The following ABCB9 variants were observed in gnomAD, a reference collection of about 807,000 sequenced individuals.
ABCB9 encodes ABC-type oligopeptide transporter ABCB9.
ABCB9 carries 36 observed loss-of-function variants against 62.0 expected under a neutral mutation model. The ratio of observed to expected loss-of-function variants is 0.58; its 90% CI spans 0.45 to 0.77. The LOEUF (loss-of-function observed/expected upper bound fraction) is 0.77, where lower values mean the gene tolerates loss of function less well. Ranked by LOEUF, ABCB9 falls within the 30% of genes least tolerant of loss-of-function variation. The pLI, the probability that ABCB9 is intolerant of heterozygous loss-of-function variation, is 0.00. For synonymous variants in ABCB9, 435 were observed against 461.4 expected (o/e 0.94, Z 0.73); for missense variants, 943 against 1,054.7 (o/e 0.89, Z 1.47).
chr12:122,933,809 C>T (rs2035318862), intron 10 of ABCB9, among the ~76,000 whole-genome samples: 1 of 151,978 alleles, frequency 6.6e-6, no homozygotes, highest in Non-Finnish European at 1.5e-5. Context: ...CAACGTGATG[C>T]TCTGAAATAC....
Position 122,932,338 on chromosome 12 carries a change from G to A in ABCB9, c.1904-10C>T. 6.5e-7 allele frequency: 1 copy of A among 1,546,934 alleles called. No homozygotes were observed. Among genetic ancestry groups the A allele is most frequent in the Non-Finnish European group, 8.7e-7 (1 of 1,143,810 alleles). On this transcript the variant is annotated splice_polypyrimidine_tract_variant and intron_variant, in intron 10 of 11. Transcript: ENST00000280560. This position sits in a 1 kb window ranked among gnomAD's most constrained non-coding sequence, Gnocchi z 4.7. Reference sequence around the variant, plus strand: ...CCCTTCTCCCCTGTCTCTGTATGGTGGAGGCACAGAGACAATTTAGCAATG... The same window carrying A: ...CCCTTCTCCCCTGTCTCTGTATGGTAGAGGCACAGAGACAATTTAGCAATG...
downstream of ABCB9, among the ~76,000 whole-genome samples, chr12:122,927,818 C>A (rs573512158): frequency 1.2e-4 from 19 of 152,282 alleles, no homozygotes; most frequent in East Asian, 3.1e-3. Flanking sequence ...TGTTGGTCCT[C>A]GGTTTTGTCA....
intron 10 of ABCB9, among the ~76,000 whole-genome samples, chr12:122,934,649 AAAAAAAACT>A (rs1164571663): frequency 1.3e-5 from 2 of 151,808 alleles, no homozygotes; most frequent in Non-Finnish European, 2.9e-5. Context: ...TCAAAAAAAA[AAAAAAAACT>A]AAAAAAACTA....
At chr12:122,948,429 T>G (rs1347761882) in intron 5 of ABCB9, 195 bp downstream of exon 5, 2 of 544,506 alleles carry the variant, frequency 3.7e-6, no homozygotes, top group Non-Finnish European at 6.2e-6. Context: ...TTTTCACTGA[T>G]GTATCCCAGT....
intron 11 of ABCB9, among the ~76,000 whole-genome samples, chr12:122,923,823 C>T (rs2135733710): frequency 6.6e-6 from 1 of 152,278 alleles, no homozygotes; most frequent in South Asian, 2.1e-4. Context: ...CCCTGAAGAG[C>T]CAGGGCCATC....
chr12:122,950,555 G>A lies in ABCB9; in HGVS notation c.612C>T (p.Phe204=), dbSNP rs1407812381. The A allele has an allele frequency of 6.2e-7, 1 of 1,612,028 alleles. No homozygotes were observed. Among genetic ancestry groups the A allele is most frequent in the African/African-American group, 1.3e-5 (1 of 74,936 alleles). Reference sequence around the variant, plus strand: ...TGGCGCGGCCCGTGTAGTAGGGCAGGAAGGTCTCTCCTGGGGGAGGCAGGG... The same window carrying A: ...TGGCGCGGCCCGTGTAGTAGGGCAGAAAGGTCTCTCCTGGGGGAGGCAGGG... ...FLIVAALGET[F]LPYYTGRAID... Residue 204 remains phenylalanine (F), a synonymous_variant, in exon 3 of 12, where the codon TTC becomes TTT. Coordinates refer to ENST00000280560, the MANE Select transcript of ABCB9 (RefSeq NM_019625.4).
chr12:122,960,227 C>T lies in ABCB9; in HGVS notation c.9G>A (p.Leu3=), dbSNP rs894479715. 2.5e-6 allele frequency: 4 copies of T among 1,610,796 alleles called. No individual in the cohort carries two copies. Among genetic ancestry groups the T allele is most frequent in the Non-Finnish European group, 3.4e-6 (4 of 1,177,938 alleles). ...CCAAAGTCACCACCACCGCCTTCCA[C>T]AGCCGCATCCTGCTGGTTGGAGGTG... The part of the protein sequence containing the change: MR[L]WKAVVVTLAF... The change falls in exon 2 of 12, where the codon CTG becomes CTA. Residue 3 remains leucine (L), a synonymous_variant. Transcript: ENST00000280560.
At chr12:122,920,362 GA>G (rs74263734), downstream of ABCB9, among the ~76,000 whole-genome samples, 9,225 of 103,214 alleles carry the variant, frequency 0.089, 298 homozygotes, top group East Asian at 0.21. Context: ...AACTGCAAAG[GA>G]AAAAAAAAAA....
chr12:122,971,379 T>G (rs747122082), upstream of ABCB9, among the ~76,000 whole-genome samples: 129 of 111,082 alleles, frequency 1.2e-3, no homozygotes, highest in Non-Finnish European at 1.8e-3. Flanking sequence ...AGAGTGAGAC[T>G]CCATCTCAAA....
In ABCB9 at chr12:122,946,054, C is replaced by G; in HGVS notation, c.1222G>C (p.Ala408Pro). ...VYKLNRKEAAAYMYYVWGSGL... is the reference protein window; with the variant it reads ...VYKLNRKEAAPYMYYVWGSGL... ...CTGCCCCAGACGTAGTACATGTAGGCAGCTGCCTCCTTCCTGTTCAGCTTG... is the reference window on the plus strand; with the variant it reads ...CTGCCCCAGACGTAGTACATGTAGGGAGCTGCCTCCTTCCTGTTCAGCTTG... Residue 408 changes from alanine to proline, a missense_variant, in exon 6 of 12, where the codon GCC becomes CCC. Coordinates refer to ENST00000280560, the MANE Select transcript of ABCB9 (RefSeq NM_019625.4). The G allele has an allele frequency of 6.2e-7, 1 of 1,613,890 alleles. No individual in the cohort carries two copies. Among genetic ancestry groups the G allele is most frequent in the Non-Finnish European group, 8.5e-7 (1 of 1,180,024 alleles).
chr12:122,945,971 C>A, intron 6 of ABCB9, 54 bp downstream of exon 6: 2 of 1,582,244 alleles, frequency 1.3e-6, no homozygotes, highest in South Asian at 1.1e-5. Flanking sequence ...GGGCTTCCCC[C>A]ATCTTTGCAT....
At chr12:122,948,235 GC>G (rs1476421603) in intron 5 of ABCB9, 1 of 156,430 alleles carries the variant, frequency 6.4e-6, no homozygotes. Flanking sequence ...ACCGGGCCCA[GC>G]CAGTAAATCC....
chr12:122,946,447 T>G, intron 5 of ABCB9: 1 of 580,680 alleles, frequency 1.7e-6, no homozygotes, highest in Non-Finnish European at 3.1e-6. Context: ...GGGCAATGGT[T>G]TCAGCTCCTG....
chr12:122,960,442 A>T lies in ABCB9; in HGVS notation c.-87-120T>A, dbSNP rs1452183787. ...TTAGTTTTCTCATCTGTAAAATGGC[A>T]ATATCAACTTCCCGGGTACTAAGAT... On this transcript the variant is annotated intron_variant, in intron 1 of 11. Coordinates refer to ENST00000280560, the MANE Select transcript of ABCB9 (RefSeq NM_019625.4). 4 of 673,454 alleles carry T rather than the reference A, an allele frequency of 5.9e-6. No homozygotes were observed. The East Asian group carries it at 1.1e-4, about 19-fold the overall frequency. 41.7% of individuals were successfully genotyped at this position (673,454 alleles called of 1,614,324 possible). A position where few individuals can be genotyped will look rare whatever the true frequency, so the allele number is the denominator to read the frequency against.
At chr12:122,965,683 G>A (rs2037132074) in intron 1 of ABCB9, among the ~76,000 whole-genome samples, 1 of 152,090 alleles carries the variant, frequency 6.6e-6, no homozygotes, top group Non-Finnish European at 1.5e-5. Flanking sequence ...GATCCTGTCA[G>A]CCCAGCTTAA....
At chr12:122,958,970 G>A (rs2036751843) in intron 2 of ABCB9, among the ~76,000 whole-genome samples, 1 of 150,732 alleles carries the variant, frequency 6.6e-6, no homozygotes, top group African/African-American at 2.4e-5. Flanking sequence ...CCTGGGCTCA[G>A]GCAATCTTCC....
intron 9 of ABCB9, among the ~76,000 whole-genome samples, chr12:122,936,216 A>G (rs1354866034): frequency 6.6e-6 from 1 of 152,194 alleles, no homozygotes; most frequent in East Asian, 1.9e-4. Flanking sequence ...ACATATACAC[A>G]GCATGATTCT....
In ABCB9 at chr12:122,930,053, T is replaced by C. The variant is rs2035060835; in HGVS notation, c.2159A>G (p.Gln720Arg). ...IVVLDKGRVV[Q>R]QGTHQQLLAQ... ...CAGCAGCTGCTGGTGGGTGCCCTGC[T>C]GCACTACGCGGCCCTTGTCCAGCAC... The change falls in exon 12 of 12, where the codon CAG becomes CGG. Residue 720 changes from glutamine to arginine, a missense_variant. Transcript: ENST00000280560. The surrounding 1 kb of genome is among the most constrained non-coding windows in gnomAD (Gnocchi z 4.9). The C allele has an allele frequency of 1.3e-6, 2 of 1,570,246 alleles. No individual in the cohort carries two copies. Among genetic ancestry groups the C allele is most frequent in the Non-Finnish European group, 1.7e-6 (2 of 1,158,260 alleles).
chr12:122,964,991 C>T lies in ABCB9; in HGVS notation c.-88+1296G>A, dbSNP rs2037098046. On this transcript the variant is annotated intron_variant, in intron 1 of 11. Transcript: ENST00000280560. The surrounding 1 kb of genome is among the most constrained non-coding windows in gnomAD (Gnocchi z 4.7). ...GTTATTATGACGCTGCAACAGAGAC[C>T]CTTTGCAGAGAAGGCCAGGAGACAA... 6.6e-6 allele frequency among the ~76,000 whole-genome samples: 1 copy of T among 152,070 alleles called. No homozygotes were observed. The highest frequency in any genetic ancestry group is 6.5e-5 in the Admixed American group (1 of 15,274).
Sources: gnomAD v4.1 joint callset for allele counts (sites outside exome capture counted in the v4.1 genomes callset) on GRCh38, gnomAD v4.1.1 for gene constraint, Gnocchi (gnomAD v3.1) non-coding constraint, MANE v1.5 for transcripts, NCBI Gene and HGNC (gene_info 2026-07-23, HGNC 2026-07-21) for gene names.